Variants in NIBAN1 observed in about 807,000 individuals in gnomAD.
NIBAN1 encodes protein Niban 1.
NIBAN1 carries 81 observed loss-of-function variants against 75.1 expected under a neutral mutation model. That is an observed-to-expected ratio of 1.08 (90% confidence interval 0.90 to 1.30). The LOEUF is 1.30. Among genes scored for constraint, NIBAN1 ranks in the 50% most tolerant of loss-of-function variants. The pLI is 0.00. For missense variants in NIBAN1, 1,133 were observed against 1,128.1 expected (o/e 1.00, Z -0.06); for synonymous variants, 436 against 424.8 (o/e 1.03, Z -0.32).
At chr1:184,807,885 A>G (rs1476187405) in intron 10 of NIBAN1, 189 bp downstream of exon 10, 1 of 634,860 alleles carries the variant, frequency 1.6e-6, no homozygotes, top group Admixed American at 2.4e-5. Context: ...TGTCTTGTCT[A>G]TGATGTTCAT....
chr1:184,803,824 T>A (rs550678445), intron 11 of NIBAN1, 132 bp from the exon 12 acceptor site: 1 of 692,362 alleles, frequency 1.4e-6, no homozygotes, highest in South Asian at 1.8e-5. Context: ...TTCCAAGGCC[T>A]CAGAGATCTT....
intron 13 of NIBAN1, 27 bp downstream of exon 13, chr1:184,798,052 C>CTT (rs1464103183): frequency 6.7e-7 from 1 of 1,503,176 alleles, no homozygotes; most frequent in Non-Finnish European, 9.2e-7. Flanking sequence ...ATGGAGTGTC[C>CTT]CTGCAGCACC....
At chr1:184,877,021 T>G (rs908215690) in intron 5 of NIBAN1, among the ~76,000 whole-genome samples, 2 of 152,172 alleles carry the variant, frequency 1.3e-5, no homozygotes, top group African/African-American at 4.8e-5. Context: ...CAAAACTAAA[T>G]ACCTTTAAAC....
chr1:184,970,556 A>T (rs766077323), intron 1 of NIBAN1, among the ~76,000 whole-genome samples: 3 of 152,204 alleles, frequency 2.0e-5, no homozygotes, highest in Non-Finnish European at 4.4e-5. Context: ...CCTGAGAAAA[A>T]TATGTGCTAT....
chr1:184,891,470 G>C (rs939033117), intron 3 of NIBAN1, among the ~76,000 whole-genome samples: 2 of 152,178 alleles, frequency 1.3e-5, no homozygotes, highest in African/African-American at 2.4e-5. Flanking sequence ...GGACTCAAAA[G>C]TGAATTGTAT....
At chr1:184,965,896 A>G (rs146654443) in intron 1 of NIBAN1, among the ~76,000 whole-genome samples, 432 of 152,352 alleles carry the variant, frequency 2.8e-3, no homozygotes, top group African/African-American at 0.01. Context: ...AAATGTGTGG[A>G]ACTGCACCAT....
At chr1:184,867,946 G>T (rs1294912057) in intron 5 of NIBAN1, 8 of 985,304 alleles carry the variant, frequency 8.1e-6, no homozygotes, top group Non-Finnish European at 9.6e-6. Context: ...CAGTGTGGCA[G>T]TCTAATAGTT....
At chr1:184,854,996 G>A (rs1655637473) in intron 5 of NIBAN1, among the ~76,000 whole-genome samples, 1 of 152,190 alleles carries the variant, frequency 6.6e-6, no homozygotes, top group East Asian at 1.9e-4. Flanking sequence ...ATGTGTGTGT[G>A]CACATTTCCT....
intron 1 of NIBAN1, among the ~76,000 whole-genome samples, chr1:184,899,919 C>T (rs1194273853): frequency 3.3e-5 from 5 of 151,174 alleles, no homozygotes; most frequent in African/African-American, 7.3e-5. Flanking sequence ...CGGGTTCAAG[C>T]GATTCTCCCG....
Position 184,818,663 on chromosome 1 carries a change from G to C in NIBAN1, c.1148C>G (p.Thr383Ser). 6.2e-7 allele frequency: 1 copy of C among 1,610,166 alleles called. No homozygotes were observed. Among genetic ancestry groups the C allele is most frequent in the Non-Finnish European group, 8.5e-7 (1 of 1,177,276 alleles). ...VNEVSQNFQTTKDSVQLKEHL... is the reference protein window; with the variant it reads ...VNEVSQNFQTSKDSVQLKEHL... ...CTCCTTTAGCTGGACACTGTCTTTGGTGGTCTGGAAGTTCTGGCTGACTTC... is the reference window on the plus strand; with the variant it reads ...CTCCTTTAGCTGGACACTGTCTTTGCTGGTCTGGAAGTTCTGGCTGACTTC... Residue 383 changes from threonine (T) to serine (S), a missense_variant, in exon 9 of 14, where the codon ACC becomes AGC. By Grantham distance (58) the Thr-to-Ser change is moderately conservative. Coordinates refer to ENST00000367511, the MANE Select transcript of NIBAN1 (RefSeq NM_052966.4).
intron 1 of NIBAN1, among the ~76,000 whole-genome samples, chr1:184,918,267 C>T (rs1657445018): frequency 6.6e-6 from 1 of 152,198 alleles, no homozygotes; most frequent in Admixed American, 6.5e-5. Context: ...CCACCAACGA[C>T]TGGTTCAGGC....
intron 5 of NIBAN1, among the ~76,000 whole-genome samples, chr1:184,871,368 A>AAAAAAAG (rs1553222993): frequency 4.1e-5 from 5 of 121,808 alleles, no homozygotes; most frequent in Non-Finnish European, 8.5e-5. Flanking sequence ...AAAAAAAAAA[A>AAAAAAAG]AAAAAGAGGA....
At chr1:184,863,695 C>T (rs1655876333) in intron 5 of NIBAN1, among the ~76,000 whole-genome samples, 1 of 152,132 alleles carries the variant, frequency 6.6e-6, no homozygotes, top group South Asian at 2.1e-4. Context: ...ACCCAGTTTT[C>T]TCAGTCATAT....
At chr1:184,974,193 C>T in intron 1 of NIBAN1, 109 bp downstream of exon 1, 1 of 1,134,144 alleles carries the variant, frequency 8.8e-7, no homozygotes, top group Non-Finnish European at 1.1e-6. Flanking sequence ...GGGATCCCCG[C>T]GCGCTACAGG....
intron 1 of NIBAN1, among the ~76,000 whole-genome samples, chr1:184,944,563 G>T (rs1180808342): frequency 6.6e-6 from 1 of 152,254 alleles, no homozygotes; most frequent in Non-Finnish European, 1.5e-5. Flanking sequence ...TTTGGGTAGG[G>T]TTGGAGTACA....
At chr1:184,969,245 G>A (rs1258753168) in intron 1 of NIBAN1, among the ~76,000 whole-genome samples, 2 of 152,176 alleles carry the variant, frequency 1.3e-5, no homozygotes, top group East Asian at 3.8e-4. Context: ...GGGATTTAGT[G>A]GCTCTCACAA....
rs1653738285 is a variant in NIBAN1, at chr1:184,793,031, T to C, written c.*1946A>G. On this transcript the variant is annotated 3_prime_UTR_variant, in exon 14 of 14. Transcript: ENST00000367511. ...GTGGGATCCCTCAAAGACATGAGGA[T>C]TTAAACACGCCAAGAAAAGTTGCAA... 1 of 152,200 alleles carries C rather than the reference T, an allele frequency of 6.6e-6. No homozygotes were observed. The highest frequency in any genetic ancestry group is 6.5e-5 in the Admixed American group (1 of 15,286). 9.4% of individuals were successfully genotyped at this position (152,200 alleles called of 1,614,324 possible). A position where few individuals can be genotyped will look rare whatever the true frequency, so the allele number is the denominator to read the frequency against.
intron 1 of NIBAN1, among the ~76,000 whole-genome samples, chr1:184,928,939 A>T (rs1489690346): frequency 3.9e-5 from 6 of 152,114 alleles, no homozygotes. Flanking sequence ...CACGTGATGC[A>T]CACCCACTCT....
At chr1:184,876,423 C>T (rs1341999668) in intron 5 of NIBAN1, among the ~76,000 whole-genome samples, 1 of 152,042 alleles carries the variant, frequency 6.6e-6, no homozygotes, top group Non-Finnish European at 1.5e-5. Flanking sequence ...TGGGGCCGGG[C>T]ATGGTGGCTA....
Sources: gnomAD v4.1 joint callset for allele counts (sites outside exome capture counted in the v4.1 genomes callset) on GRCh38, gnomAD v4.1.1 for gene constraint, MANE v1.5 for transcripts, NCBI Gene and HGNC (gene_info 2026-07-23, HGNC 2026-07-21) for gene names.